ABHD17B: variants seen among roughly 807,000 people sequenced by gnomAD.
ABHD17B encodes the protein abhydrolase domain containing 17B, depalmitoylase.
A neutral mutation model predicts 26.2 loss-of-function variants in ABHD17B; 9 were observed. That is an observed-to-expected ratio of 0.34 (90% CI 0.21 to 0.60). The LOEUF (loss-of-function observed/expected upper bound fraction) is 0.60, where lower values mean the gene tolerates loss of function less well. Ranked by LOEUF, ABHD17B falls within the 20% of genes least tolerant of loss-of-function variation. ABHD17B has a pLI of 0.80. For synonymous variants in ABHD17B, 127 were observed against 122.3 expected, an observed-to-expected ratio of 1.04 and a Z score of -0.25; for missense variants, 224 against 352.1, an observed-to-expected ratio of 0.64 and a Z score of 2.91.
intron 1 of ABHD17B, among the ~76,000 whole-genome samples, chr9:71,895,491 C>T (rs1263257164): frequency 6.6e-6 from 1 of 152,210 alleles, no homozygotes; most frequent in East Asian, 1.9e-4. Context: ...TCTCAAGATT[C>T]TTCTGCCTTC....
chr9:71,867,123 G>T, intron 3 of ABHD17B, 117 bp from the exon 4 acceptor site: 1 of 1,289,146 alleles, frequency 7.8e-7, no homozygotes, highest in Non-Finnish European at 1.1e-6. Context: ...CAGTTCAGAA[G>T]GTAAGAATGT....
intron 1 of ABHD17B, among the ~76,000 whole-genome samples, chr9:71,877,078 G>A (rs968723028): frequency 3.3e-5 from 5 of 152,184 alleles, no homozygotes; most frequent in African/African-American, 1.2e-4. Context: ...CATACACAGG[G>A]CTTAGCCAGC....
In ABHD17B at chr9:71,866,076, T is replaced by G. The variant is rs1825949509; in HGVS notation, c.*711A>C. On this transcript the variant is annotated 3_prime_UTR_variant, in exon 4 of 4. Transcript: ENST00000333421. Reference sequence around the variant, plus strand: ...AAGTAACCAGCATGAAAATTTTAAGTACTTGCCTCACAGTACCAAACTTAG... The same window carrying G: ...AAGTAACCAGCATGAAAATTTTAAGGACTTGCCTCACAGTACCAAACTTAG... 3 of 985,554 alleles carry G rather than the reference T, an allele frequency of 3.0e-6. No homozygotes were observed. Among genetic ancestry groups the G allele is most frequent in the Non-Finnish European group, 3.6e-6 (3 of 829,904 alleles). 61.1% of individuals were successfully genotyped at this position (985,554 alleles called of 1,614,324 possible).
chr9:71,909,462 T>C (rs1827379457), intron 1 of ABHD17B, among the ~76,000 whole-genome samples: 1 of 152,224 alleles, frequency 6.6e-6, no homozygotes, highest in Non-Finnish European at 1.5e-5. Context: ...GTCACCCAAC[T>C]GAAATTCATG....
intron 1 of ABHD17B, among the ~76,000 whole-genome samples, chr9:71,893,610 G>A (rs955983150): frequency 6.6e-6 from 1 of 152,150 alleles, no homozygotes; most frequent in Non-Finnish European, 1.5e-5. Flanking sequence ...TTGTTAAGTA[G>A]GCAATGATTG....
chr9:71,907,494 A>G (rs1827319103), intron 1 of ABHD17B, among the ~76,000 whole-genome samples: 1 of 152,080 alleles, frequency 6.6e-6, no homozygotes, highest in African/African-American at 2.4e-5. Context: ...GTATTAACAT[A>G]CTAAGGAAAC....
At chr9:71,906,058 A>T (rs1372075566) in intron 1 of ABHD17B, among the ~76,000 whole-genome samples, 1 of 152,058 alleles carries the variant, frequency 6.6e-6, no homozygotes, top group Non-Finnish European at 1.5e-5. Context: ...CAAAAAATAA[A>T]TAAATAAATA....
intron 1 of ABHD17B, among the ~76,000 whole-genome samples, chr9:71,901,653 T>C (rs908342596): frequency 1.3e-5 from 2 of 152,060 alleles, no homozygotes; most frequent in African/African-American, 4.8e-5. Context: ...GTCTCTCCCC[T>C]TAAACTCTAG....
Position 71,880,707 on chromosome 9 carries a change from C to A in ABHD17B, c.-3-5624G>T, listed in dbSNP as rs141118724. On this transcript the variant is annotated intron_variant, in intron 1 of 3. Transcript: ENST00000333421. ...AAAATTATAAATAAGATCGCACCCA[C>A]AACCAAAACGACTATCTAGGAATTA... 7.4e-4 allele frequency among the ~76,000 whole-genome samples: 112 copies of A among 152,024 alleles called. 1 individual carries two copies. The East Asian group carries it at 0.02, about 27-fold the overall frequency.
chr9:71,876,799 A>C (rs1474698446), intron 1 of ABHD17B, among the ~76,000 whole-genome samples: 1 of 152,198 alleles, frequency 6.6e-6, no homozygotes, highest in East Asian at 1.9e-4. Flanking sequence ...AAGAAGCAGC[A>C]GAAAAAAGCA....
At chr9:71,867,861 G>A (rs1826000768) in intron 3 of ABHD17B, among the ~76,000 whole-genome samples, 1 of 152,018 alleles carries the variant, frequency 6.6e-6, no homozygotes, top group Non-Finnish European at 1.5e-5. Flanking sequence ...TCCCTATGTG[G>A]CTCCCAGAAT....
chr9:71,882,771 T>G (rs1826486172), intron 1 of ABHD17B, among the ~76,000 whole-genome samples: 1 of 152,040 alleles, frequency 6.6e-6, no homozygotes, highest in African/African-American at 2.4e-5. Flanking sequence ...GATAACAGGT[T>G]TCTTTCTGGG....
intron 1 of ABHD17B, among the ~76,000 whole-genome samples, chr9:71,907,036 T>C (rs1340814257): frequency 4.6e-5 from 7 of 152,212 alleles, no homozygotes; most frequent in African/African-American, 1.4e-4. Context: ...TAAAGTACTG[T>C]AAAATATTTT....
downstream of ABHD17B, among the ~76,000 whole-genome samples, chr9:71,863,965 A>G (rs1471121293): frequency 1.3e-5 from 2 of 152,214 alleles, no homozygotes; most frequent in Non-Finnish European, 2.9e-5. Context: ...TGGTTTGAAC[A>G]GCACTTTGTG....
At chr9:71,904,151 A>C (rs757611502) in intron 1 of ABHD17B, among the ~76,000 whole-genome samples, 6 of 151,996 alleles carry the variant, frequency 3.9e-5, no homozygotes, top group Admixed American at 1.3e-4. Context: ...ACCCCTCTCT[A>C]TGTTTTCTTT....
chr9:71,865,950 T>C lies in ABHD17B; in HGVS notation c.*837A>G. On this transcript the variant is annotated 3_prime_UTR_variant, in exon 4 of 4. Transcript: ENST00000333421. ...GATCAACTCATGGACTTTCGGGATT[T>C]CATACAATGAAGACTACTGCAATTC... The C allele has an allele frequency of 4.1e-6, 4 of 985,370 alleles. No individual in the cohort carries two copies. Among genetic ancestry groups the C allele is most frequent in the Non-Finnish European group, 4.8e-6 (4 of 829,884 alleles). The allele number at this position is 985,370 out of a possible 1,614,324, so 61.0% of individuals were successfully genotyped here.
chr9:71,864,501 G>T (rs553500400), downstream of ABHD17B, among the ~76,000 whole-genome samples: 287 of 152,134 alleles, frequency 1.9e-3, 1 homozygote, highest in African/African-American at 6.8e-3. Context: ...TTACAGACAT[G>T]AGCCACCGCC....
In ABHD17B at chr9:71,911,187, A is replaced by C; in HGVS notation, c.-557T>G. 6.6e-6 allele frequency among the ~76,000 whole-genome samples: 1 copy of C among 151,970 alleles called. No individual in the cohort carries two copies. ...ATCCCCACTGAGCCAGGAGTTGGCCACTGACTGGAGGAAGGTGCCAAAGCT... is the reference window on the plus strand; with the variant it reads ...ATCCCCACTGAGCCAGGAGTTGGCCCCTGACTGGAGGAAGGTGCCAAAGCT... On this transcript the variant is annotated 5_prime_UTR_variant, in exon 1 of 4. Coordinates refer to ENST00000333421, the MANE Select transcript of ABHD17B (RefSeq NM_001025780.3).
At chr9:71,868,210 C>G (rs772253023) in intron 3 of ABHD17B, among the ~76,000 whole-genome samples, 1 of 151,798 alleles carries the variant, frequency 6.6e-6, no homozygotes, top group Non-Finnish European at 1.5e-5. Context: ...CGCAGCGAGA[C>G]TCTGTCTCAG....
Sources: allele counts gnomAD v4.1 joint callset (sites outside exome capture counted in the v4.1 genomes callset), GRCh38; gene constraint gnomAD v4.1.1; transcripts MANE v1.5; gene names NCBI Gene and HGNC (gene_info 2026-07-23, HGNC 2026-07-21).